Variants in LRRC8B observed in about 807,000 individuals in gnomAD.
The protein encoded by LRRC8B is volume-regulated anion channel subunit LRRC8B.
In LRRC8B, 23 loss-of-function variants were observed where a neutral mutation model predicts 58.8. The ratio of observed to expected loss-of-function variants is 0.39; its 90% CI spans 0.28 to 0.55. The LOEUF (loss-of-function observed/expected upper bound fraction) is 0.55, where lower values mean the gene tolerates loss of function less well. Among genes scored for constraint, LRRC8B ranks in the 20% least tolerant of loss-of-function variants. The pLI, the probability that LRRC8B is intolerant of heterozygous loss-of-function variation, is 0.62. For synonymous variants in LRRC8B, 359 were observed against 374.1 expected (o/e 0.96, Z 0.47); for missense variants, 694 against 936.0 (o/e 0.74, Z 3.37).
At chr1:89,562,750 A>G (rs957580949) in intron 1 of LRRC8B, among the ~76,000 whole-genome samples, 1 of 152,160 alleles carries the variant, frequency 6.6e-6, no homozygotes, top group Non-Finnish European at 1.5e-5. Context: ...GATTACAGGC[A>G]TGAGCCACCT....
chr1:89,589,306 C>T (rs1225161192), intron 5 of LRRC8B, among the ~76,000 whole-genome samples: 1 of 152,170 alleles, frequency 6.6e-6, no homozygotes, highest in Non-Finnish European at 1.5e-5. Flanking sequence ...CTCTACTATT[C>T]TTCTACTGTG....
Position 89,554,386 on chromosome 1 carries a change from A to G in LRRC8B, c.-240-13861A>G, listed in dbSNP as rs111809216. 9.1e-3 allele frequency among the ~76,000 whole-genome samples: 1,392 copies of G among 152,284 alleles called. 21 individuals are homozygous for G. The highest frequency in any genetic ancestry group is 0.032 in the African/African-American group (1,318 of 41,556). ...AACTCATAAACCCTGTACAGTGACT[A>G]TTGTTCTTCTAGCATGTATTACTTT... On this transcript the variant is annotated intron_variant, in intron 1 of 5. Transcript: ENST00000330947.
At chr1:89,563,487 A>G (rs1347134174) in intron 1 of LRRC8B, among the ~76,000 whole-genome samples, 1 of 152,208 alleles carries the variant, frequency 6.6e-6, no homozygotes, top group Non-Finnish European at 1.5e-5. Flanking sequence ...GGGCCACACA[A>G]TAAATTATTA....
At chr1:89,577,137 G>C (rs1048744031) in intron 3 of LRRC8B, among the ~76,000 whole-genome samples, 1 of 152,124 alleles carries the variant, frequency 6.6e-6, no homozygotes, top group Non-Finnish European at 1.5e-5. Flanking sequence ...ATTTGGAATT[G>C]TTCGGCTATA....
At chr1:89,566,900 A>G (rs1249240244) in intron 1 of LRRC8B, among the ~76,000 whole-genome samples, 2 of 152,194 alleles carry the variant, frequency 1.3e-5, no homozygotes, top group Admixed American at 1.3e-4. Flanking sequence ...AAAGAAGAGA[A>G]TTCTCAGTGT....
In LRRC8B at chr1:89,583,016, CT is replaced by C. The variant is rs1344890964; in HGVS notation, c.367del (p.Tyr123IlefsTer56). The C allele has an allele frequency of 6.2e-7, 1 of 1,614,044 alleles. No homozygotes were observed. Among genetic ancestry groups the C allele is most frequent in the African/African-American group, 1.3e-5 (1 of 74,914 alleles). ...TCCATTGGTTTGCAAAGTTTTTCCCCTATCTGGTGCTCTTGCACACGCTCAT... is the reference window on the plus strand; with the variant it reads ...TCCATTGGTTTGCAAAGTTTTTCCCCATCTGGTGCTCTTGCACACGCTCAT... ...QLHWFAKFFP[Y>X]LVLLHTLIFA... On this transcript the variant is annotated frameshift_variant, in exon 5 of 6. Transcript: ENST00000330947. LOFTEE classifies it high-confidence loss of function. The surrounding 1 kb of genome is among the most constrained non-coding windows in gnomAD (Gnocchi z 5.2).
Position 89,592,924 on chromosome 1 carries a change from C to G in LRRC8B, c.2293C>G (p.Pro765Ala). ...TGGTAATTACCTGGAAACACTTCCT[C>G]CTGAACTAGAAGGATGTCAGTCCCT... ...LIGNYLETLPPELEGCQSLKR... is the reference protein window; with the variant it reads ...LIGNYLETLPAELEGCQSLKR... The change falls in exon 6 of 6, where the codon CCT becomes GCT. Residue 765 changes from proline (P) to alanine (A), a missense_variant. Coordinates refer to ENST00000330947, the MANE Select transcript of LRRC8B (RefSeq NM_001369817.2). 1.2e-6 allele frequency: 2 copies of G among 1,614,058 alleles called. No homozygotes were observed. The highest frequency in any genetic ancestry group is 1.7e-6 in the Non-Finnish European group (2 of 1,179,950).
intron 3 of LRRC8B, among the ~76,000 whole-genome samples, chr1:89,569,756 A>G (rs1653309736): frequency 6.6e-6 from 1 of 152,054 alleles, no homozygotes; most frequent in Non-Finnish European, 1.5e-5. Flanking sequence ...CAAGTTTGCT[A>G]CATAGGTATA....
chr1:89,583,867 C>G lies in LRRC8B; in HGVS notation c.1217C>G (p.Thr406Arg). Residue 406 changes from threonine (T) to arginine (R), a missense_variant, in exon 5 of 6, where the codon ACA becomes AGA. Around this residue, in one of 5 missense-constraint regions of LRRC8B, gnomAD observed 162 missense variants for 198.5 expected, o/e 0.82. Transcript: ENST00000330947. The surrounding 1 kb of genome is among the most constrained non-coding windows in gnomAD (Gnocchi z 5.2). ...CAGATCAACCTCAATAATGAATGGA[C>G]AGTTGAGAAACTGAAAAGTAAGCTT... The part of the protein sequence containing the change: ...LKQINLNNEW[T>R]VEKLKSKLVK... The G allele has an allele frequency of 6.2e-7, 1 of 1,614,164 alleles. No homozygotes were observed. Among genetic ancestry groups the G allele is most frequent in the Non-Finnish European group, 8.5e-7 (1 of 1,180,014 alleles).
chr1:89,592,089 G>A (rs996199641), intron 5 of LRRC8B, among the ~76,000 whole-genome samples: 10 of 152,094 alleles, frequency 6.6e-5, no homozygotes, highest in Admixed American at 4.6e-4. Flanking sequence ...AGCAGTCAAC[G>A]GGAGCAGCTT....
At chr1:89,585,799 G>A (rs1475656229) in intron 5 of LRRC8B, among the ~76,000 whole-genome samples, 1 of 151,738 alleles carries the variant, frequency 6.6e-6, no homozygotes, top group African/African-American at 2.4e-5. Flanking sequence ...AACAGAGCGA[G>A]ACTCTGTCTC....
intron 1 of LRRC8B, among the ~76,000 whole-genome samples, chr1:89,567,295 G>T (rs972799439): frequency 4.6e-5 from 7 of 152,154 alleles, no homozygotes; most frequent in African/African-American, 1.7e-4. Context: ...TTCTAAAATT[G>T]GTTTGAATGA....
chr1:89,547,093 G>A (rs952363840), intron 1 of LRRC8B, among the ~76,000 whole-genome samples: 2 of 152,164 alleles, frequency 1.3e-5, no homozygotes, highest in African/African-American at 2.4e-5. Flanking sequence ...GGTTATTTAT[G>A]TCTAAGGTAT....
rs147831968 is a variant in LRRC8B, at chr1:89,595,908, A to G, written c.*2865A>G. On this transcript the variant is annotated 3_prime_UTR_variant, in exon 6 of 6. Transcript: ENST00000330947. ...CATTTGATTTCAAGAATACATATGC[A>G]TTTTCCAAAAAATAAATGTGGAGGT... 1.0e-3 allele frequency: 155 copies of G among 152,274 alleles called. No individual in the cohort carries two copies. The Middle Eastern group carries it at 0.01, about 10-fold the overall frequency. The allele number at this position is 152,274 out of a possible 1,614,324, so 9.4% of individuals were successfully genotyped here.
At chr1:89,557,419 T>C (rs1481627301) in intron 1 of LRRC8B, among the ~76,000 whole-genome samples, 2 of 152,228 alleles carry the variant, frequency 1.3e-5, no homozygotes, top group South Asian at 4.1e-4. Context: ...TAGGTTTCTT[T>C]ATAAGAGTTC....
rs375413922 is a variant in LRRC8B at position 89,583,425 on chromosome 1, C to A, written c.775C>A (p.Leu259Met). ...GAAGGACATCATTTATAGAGTATAT[C>A]TGAAACAGATAATAGTCAAAGTCAT... ...EQKDIIYRVY[L>M]KQIIVKVILF... Residue 259 changes from leucine to methionine, a missense_variant, in exon 5 of 6, where the codon CTG (leucine) becomes ATG (methionine). Physicochemically the swap from Leu to Met is conservative, Grantham distance 15. This residue lies in a region of LRRC8B where 316 missense variants were observed against 403.8 expected (regional missense o/e 0.78). Transcript: ENST00000330947. The surrounding 1 kb of genome is among the most constrained non-coding windows in gnomAD (Gnocchi z 5.2). 1 of 1,614,136 alleles carries A rather than the reference C, an allele frequency of 6.2e-7. No homozygotes were observed. Among genetic ancestry groups the A allele is most frequent in the South Asian group, 1.1e-5 (1 of 91,082 alleles).
intron 1 of LRRC8B, among the ~76,000 whole-genome samples, chr1:89,545,567 T>C (rs748141064): frequency 8.5e-5 from 13 of 152,208 alleles, no homozygotes; most frequent in Non-Finnish European, 1.8e-4. Context: ...TTGGTTAATA[T>C]GCTGAATAAA....
At position 89,584,025 on chromosome 1, in the gene LRRC8B, G is replaced by T; in HGVS notation, c.1375G>T (p.Val459Phe). 6.2e-7 allele frequency: 1 copy of T among 1,614,168 alleles called. No homozygotes were observed. Among genetic ancestry groups the T allele is most frequent in the Non-Finnish European group, 8.5e-7 (1 of 1,180,024 alleles). Reference protein sequence around the residue: ...LIPEVKLPSAVSQLVNLKELR... With the variant: ...LIPEVKLPSAFSQLVNLKELR... ...CCCAGAGGTGAAGCTGCCCTCTGCA[G>T]TCTCACAGCTGGTCAACCTCAAGGA... The change falls in exon 5 of 6, where the codon GTC (valine) becomes TTC (phenylalanine). Residue 459 changes from valine to phenylalanine, a missense_variant. Physicochemically the swap from Val to Phe is conservative, Grantham distance 50. Coordinates refer to ENST00000330947, the MANE Select transcript of LRRC8B (RefSeq NM_001369817.2).
At chr1:89,534,499 A>C (rs1650377027) in intron 1 of LRRC8B, among the ~76,000 whole-genome samples, 1 of 148,480 alleles carries the variant, frequency 6.7e-6, no homozygotes, top group Middle Eastern at 3.4e-3. Context: ...TTTCATTATC[A>C]TGTCTTTTGT....
Sources: allele counts gnomAD v4.1 joint callset (sites outside exome capture counted in the v4.1 genomes callset), GRCh38; gene constraint gnomAD v4.1.1; regional missense constraint gnomAD v4.1.1; non-coding constraint Gnocchi (gnomAD v3.1); transcripts MANE v1.5; gene names NCBI Gene and HGNC (gene_info 2026-07-23, HGNC 2026-07-21).